The following PPM1K variants were observed in gnomAD, a reference collection of about 807,000 sequenced individuals.
PPM1K encodes the protein protein phosphatase Mn(2+)-dependent 1K.
In PPM1K, 19 loss-of-function variants were observed where a neutral mutation model predicts 32.6. That is an observed-to-expected ratio of 0.58 (90% CI 0.41 to 0.86). The LOEUF is 0.86. Ranked by LOEUF, PPM1K falls within the 40% of genes least tolerant of loss-of-function variation. The pLI is 0.00. For missense variants in PPM1K, 362 were observed against 461.2 expected, an observed-to-expected ratio of 0.78 and a Z score of 1.97; for synonymous variants, 159 against 165.3, an observed-to-expected ratio of 0.96 and a Z score of 0.29.
intron 1 of PPM1K, among the ~76,000 whole-genome samples, chr4:88,283,141 G>T (rs1350986900): frequency 6.6e-6 from 1 of 152,188 alleles, no homozygotes; most frequent in African/African-American, 2.4e-5. Flanking sequence ...CTGAGACAGG[G>T]TCTTGCTCTG....
At chr4:88,282,792 C>A (rs1441859443) in intron 1 of PPM1K, among the ~76,000 whole-genome samples, 1 of 152,184 alleles carries the variant, frequency 6.6e-6, no homozygotes, top group Non-Finnish European at 1.5e-5. Context: ...CCATAGATAT[C>A]TTTTAAGACA....
chr4:88,266,910 G>A (rs1357446359), intron 5 of PPM1K, among the ~76,000 whole-genome samples: 1 of 150,260 alleles, frequency 6.7e-6, no homozygotes, highest in Non-Finnish European at 1.5e-5. Context: ...AGGTGATGCT[G>A]ATTGGGTGCA....
chr4:88,277,575 G>A (rs1001147563), intron 2 of PPM1K: 9 of 222,676 alleles, frequency 4.0e-5, no homozygotes, highest in African/African-American at 1.8e-4. Flanking sequence ...ATGGTCACTG[G>A]GAAGTCAAAA....
rs1379408713 is a variant in PPM1K, at chr4:88,275,509, AT to A, written c.541+1633del. ...AAGTCAATCACCGATTGGTTTAAGC[AT>A]CTACATTGACTAGATACTTTTAAAA... is the stretch of plus-strand genomic sequence containing the variant. On this transcript the variant is annotated intron_variant, in intron 3 of 6. Transcript: ENST00000608933. 4 of 985,324 alleles carry A rather than the reference AT, an allele frequency of 4.1e-6. No homozygotes were observed. The African/African-American group carries it at 7.0e-5, about 17-fold the overall frequency. The allele number at this position is 985,324 out of a possible 1,614,324, so 61.0% of individuals were successfully genotyped here.
chr4:88,283,001 G>A (rs1732075917), intron 1 of PPM1K, among the ~76,000 whole-genome samples: 1 of 152,166 alleles, frequency 6.6e-6, no homozygotes, highest in Admixed American at 6.5e-5. Flanking sequence ...AATTATTAGC[G>A]AGAACTCACT....
intron 5 of PPM1K, among the ~76,000 whole-genome samples, chr4:88,267,779 A>G (rs1233985121): frequency 1.3e-5 from 2 of 152,180 alleles, no homozygotes; most frequent in African/African-American, 4.8e-5. Context: ...TTATCTTGTC[A>G]CTATGCAGGA....
At chr4:88,281,570 A>C (rs1732006850) in intron 1 of PPM1K, among the ~76,000 whole-genome samples, 1 of 152,198 alleles carries the variant, frequency 6.6e-6, no homozygotes, top group South Asian at 2.1e-4. Flanking sequence ...GCAGGCAGTC[A>C]TAGGAAACCA....
intron 3 of PPM1K, chr4:88,275,329 T>G: frequency 2.1e-6 from 2 of 963,842 alleles, no homozygotes; most frequent in Non-Finnish European, 1.2e-6. Flanking sequence ...TTTTTGTGAT[T>G]AATTTCTTTA....
In PPM1K at chr4:88,278,797, C is replaced by A; in HGVS notation, c.-59-155G>T. The A allele has an allele frequency of 1.9e-6, 1 of 538,728 alleles. No homozygotes were observed. Among genetic ancestry groups the A allele is most frequent in the South Asian group, 2.5e-5 (1 of 39,330 alleles). 33.4% of individuals were successfully genotyped at this position (538,728 alleles called of 1,614,324 possible). A position where few individuals can be genotyped will look rare whatever the true frequency, so the allele number is the denominator to read the frequency against. ...AAAATGAAGCTCATAAAGGATTTGA[C>A]AGAAAATACATATATTTATGTTATA... On this transcript the variant is annotated intron_variant, in intron 1 of 6. Transcript: ENST00000608933. This position sits in a 1 kb window ranked among gnomAD's most constrained non-coding sequence, Gnocchi z 4.2.
intron 3 of PPM1K, among the ~76,000 whole-genome samples, chr4:88,272,745 T>C (rs1342503316): frequency 1.3e-5 from 2 of 152,210 alleles, no homozygotes; most frequent in African/African-American, 4.8e-5. Flanking sequence ...AGCTGACAAT[T>C]TCTTAAGGGC....
At chr4:88,268,070 A>T in intron 5 of PPM1K, 120 bp downstream of exon 5, 1 of 1,080,312 alleles carries the variant, frequency 9.3e-7, no homozygotes, top group Non-Finnish European at 1.3e-6. Context: ...ATCCTTCCAT[A>T]AATTACTCCC....
chr4:88,268,616 G>C, intron 4 of PPM1K, 125 bp downstream of exon 4: 1 of 1,079,172 alleles, frequency 9.3e-7, no homozygotes. Context: ...GTGAGACTCT[G>C]TCTCAAAAAA....
intron 2 of PPM1K, 80 bp from the exon 3 acceptor site, chr4:88,277,323 T>G (rs1731818875): frequency 3.2e-6 from 3 of 943,890 alleles, no homozygotes; most frequent in Non-Finnish European, 5.1e-6. Context: ...TAGCTAGCAG[T>G]CATTCCACAC....
chr4:88,284,246 G>T (rs1449331932), intron 1 of PPM1K, 160 bp downstream of exon 1: 1 of 152,316 alleles, frequency 6.6e-6, no homozygotes, highest in African/African-American at 2.4e-5. Flanking sequence ...AGAGGCCGCC[G>T]GCCAAGCGCC....
At chr4:88,275,132 T>C in intron 3 of PPM1K, 1 of 549,744 alleles carries the variant, frequency 1.8e-6, no homozygotes, top group Non-Finnish European at 2.3e-6. Flanking sequence ...CTTCAAAGCA[T>C]ATGATAGAGG....
intron 5 of PPM1K, 54 bp from the exon 6 acceptor site, chr4:88,265,189 A>T: frequency 6.3e-7 from 1 of 1,599,848 alleles, no homozygotes; most frequent in Non-Finnish European, 8.5e-7. Flanking sequence ...CCTTAGCACA[A>T]TCTCGCTAAT....
chr4:88,277,551 C>A (rs1188315049), intron 2 of PPM1K: 2 of 260,238 alleles, frequency 7.7e-6, no homozygotes, highest in East Asian at 8.3e-5. Context: ...GCGGTATACA[C>A]AGGAAGTCAA....
intron 3 of PPM1K, chr4:88,270,979 C>A: frequency 2.6e-6 from 1 of 388,178 alleles, no homozygotes; most frequent in South Asian, 2.0e-5. Context: ...AGACATCTTT[C>A]AATAAGTTCT....
At chr4:88,282,338 A>G (rs1732047687) in intron 1 of PPM1K, among the ~76,000 whole-genome samples, 1 of 152,210 alleles carries the variant, frequency 6.6e-6, no homozygotes, top group African/African-American at 2.4e-5. Flanking sequence ...ATTATTCAGG[A>G]GTTCTAAAGT....
Sources: gnomAD v4.1 joint callset for allele counts (sites outside exome capture counted in the v4.1 genomes callset) on GRCh38, gnomAD v4.1.1 for gene constraint, Gnocchi (gnomAD v3.1) non-coding constraint, MANE v1.5 for transcripts, NCBI Gene and HGNC (gene_info 2026-07-23, HGNC 2026-07-21) for gene names.